The following CEP350 variants were observed in gnomAD, a reference collection of about 807,000 sequenced individuals.
CEP350 encodes centrosomal protein 350.
CEP350 carries 126 observed loss-of-function variants against 331.8 expected under a neutral mutation model. The observed-to-expected ratio is 0.38, with a 90% CI of 0.33 to 0.44. CEP350 has a LOEUF of 0.44. Ranked by LOEUF, CEP350 falls within the 20% of genes least tolerant of loss-of-function variation. CEP350 has a pLI of 1.00. For missense variants in CEP350, 3,406 were observed against 3,634.6 expected (o/e 0.94, Z 1.62); for synonymous variants, 1,200 against 1,259.5 (o/e 0.95, Z 1.00).
In CEP350 at chr1:180,020,284, G is replaced by A. The variant is rs946775934; in HGVS notation, c.2510G>A (p.Ser837Asn). ...AAAGCAACAGCTGCTTCTTTGTCCA[G>A]CAGAATTGAAAGTGAAGCCAAGAAA... ...ALKATAASLS[S>N]RIESEAKKLA... is the part of the protein sequence containing the mutation. The change falls in exon 12 of 38, where the codon AGC becomes AAC. Residue 837 changes from serine (S) to asparagine (N), a missense_variant. Coordinates refer to ENST00000367607, the MANE Select transcript of CEP350 (RefSeq NM_014810.5). The A allele has an allele frequency of 5.6e-6, 9 of 1,613,878 alleles. No homozygotes were observed. In the African/African-American group the frequency reaches 1.1e-4, roughly 19 times the overall value.
Position 180,020,491 on chromosome 1 carries a change from TTGA to T in CEP350, c.2725_2727del (p.Asp909del). On this transcript the variant is annotated inframe_deletion, in exon 12 of 38. Transcript: ENST00000367607. ...GGAAGCTGTGTATCTCATGCAACTT[TTGA>T]TGATGATCTTCCTGGTGTAGGCAAT... is the stretch of plus-strand genomic sequence containing the variant. 6.2e-7 allele frequency: 1 copy of T among 1,614,008 alleles called. No homozygotes were observed. The highest frequency in any genetic ancestry group is 1.1e-5 in the South Asian group (1 of 91,084).
chr1:180,024,225 A>AT lies in CEP350; in HGVS notation c.3387-189dup, dbSNP rs1415687268. The stretch of plus-strand genomic sequence containing the variant: ...TTTTTATTGGTTTCACTTACCTTTG[A>AT]TTTTTCTTAGTAATAAATTGAACCA... On this transcript the variant is annotated intron_variant, in intron 13 of 37. Transcript: ENST00000367607. 3.9e-5 allele frequency among the ~76,000 whole-genome samples: 6 copies of AT among 151,966 alleles called. No individual in the cohort carries two copies. The East Asian group carries it at 1.2e-3, about 29-fold the overall frequency.
intron 4 of CEP350, 30 bp downstream of exon 4, chr1:179,990,651 C>T: frequency 1.6e-5 from 18 of 1,138,934 alleles, no homozygotes; most frequent in Non-Finnish European, 2.1e-5. Flanking sequence ...CAAATATATA[C>T]ATATATTAAA....
intron 1 of CEP350, among the ~76,000 whole-genome samples, chr1:179,962,230 A>G (rs1650685173): frequency 6.6e-6 from 1 of 152,080 alleles, no homozygotes; most frequent in Non-Finnish European, 1.5e-5. Context: ...CTTACAAGTG[A>G]GAGAAGGTGT....
chr1:179,981,111 C>T (rs1652243852), intron 1 of CEP350, among the ~76,000 whole-genome samples: 1 of 152,036 alleles, frequency 6.6e-6, no homozygotes, highest in Non-Finnish European at 1.5e-5. Context: ...ACAGCATAAC[C>T]ATGAACTTTT....
At chr1:179,971,035 T>G (rs1349242545) in intron 1 of CEP350, among the ~76,000 whole-genome samples, 1 of 151,258 alleles carries the variant, frequency 6.6e-6, no homozygotes, top group East Asian at 1.9e-4. Flanking sequence ...GTTGTTTGTT[T>G]TTTTTTTTTT....
intron 37 of CEP350, among the ~76,000 whole-genome samples, chr1:180,109,944 C>A (rs1488705794): frequency 6.6e-6 from 1 of 152,110 alleles, no homozygotes; most frequent in Non-Finnish European, 1.5e-5. Flanking sequence ...CAATCTAATG[C>A]GTTTCTTTTA....
chr1:180,092,952 G>A lies in CEP350; in HGVS notation c.6847G>A (p.Val2283Ile), dbSNP rs1316988541. The part of the protein sequence containing the change: ...DAFSKEGKSD[V>I]LLKLVLEQGD... Reference sequence around the variant, plus strand: ...CTTTTCTAAAGAAGGTAAATCTGATGTCTTACTGAAATTAGTCCTAGAACA... The same window carrying A: ...CTTTTCTAAAGAAGGTAAATCTGATATCTTACTGAAATTAGTCCTAGAACA... The change falls in exon 34 of 38, where the codon GTC becomes ATC. Residue 2283 changes from valine (V) to isoleucine (I), a missense_variant. Around this residue, in one of 5 missense-constraint regions of CEP350, gnomAD observed 1,415 missense variants for 1,512.3 expected, o/e 0.94. Coordinates refer to ENST00000367607, the MANE Select transcript of CEP350 (RefSeq NM_014810.5). 6 of 1,595,358 alleles carry A rather than the reference G, an allele frequency of 3.8e-6. No individual in the cohort carries two copies. In the Admixed American group the frequency reaches 8.7e-5, roughly 23 times the overall value.
chr1:179,994,456 CTT>C (rs532002663), intron 5 of CEP350, among the ~76,000 whole-genome samples: 25 of 135,944 alleles, frequency 1.8e-4, no homozygotes, highest in Non-Finnish European at 1.9e-4. Context: ...TTCTTTCTTT[CTT>C]TTTTTTTTTT....
At chr1:179,980,266 T>G (rs145405928) in intron 1 of CEP350, among the ~76,000 whole-genome samples, 10 of 152,052 alleles carry the variant, frequency 6.6e-5, no homozygotes. Context: ...TTAAACTTAT[T>G]CCTAGGCAGA....
Position 179,996,687 on chromosome 1 carries a change from G to A in CEP350, c.530G>A (p.Arg177Gln), listed in dbSNP as rs965976756. 4.3e-6 allele frequency: 7 copies of A among 1,613,650 alleles called. No individual in the cohort carries two copies. Among genetic ancestry groups the A allele is most frequent in the South Asian group, 1.1e-5 (1 of 90,984 alleles). ...MIGSREERNI[R>Q]SCDFESSQSS... ...GGCAGTCGAGAAGAACGGAATATAC[G>A]GAGCTGTGATTTTGAGAGCTCCCAA... Residue 177 changes from arginine to glutamine, a missense_variant, in exon 6 of 38, where the codon CGG becomes CAG. This residue lies in a region of CEP350 where 1,857 missense variants were observed against 1,909.2 expected (regional missense o/e 0.97). Coordinates refer to ENST00000367607, the MANE Select transcript of CEP350 (RefSeq NM_014810.5).
At chr1:180,010,983 C>G (rs1654615212) in intron 8 of CEP350, among the ~76,000 whole-genome samples, 1 of 151,532 alleles carries the variant, frequency 6.6e-6, no homozygotes, top group South Asian at 2.1e-4. Flanking sequence ...ATTTTGTAAA[C>G]AGTCTTTTTT....
chr1:180,008,450 G>A (rs1654404033), intron 8 of CEP350, among the ~76,000 whole-genome samples: 1 of 152,006 alleles, frequency 6.6e-6, no homozygotes, highest in African/African-American at 2.4e-5. Flanking sequence ...TCAACTGTTA[G>A]CTATGACTCC....
chr1:180,075,343 T>G, intron 28 of CEP350, 122 bp downstream of exon 28: 1 of 1,015,242 alleles, frequency 9.8e-7, no homozygotes. Flanking sequence ...TCCTAACACT[T>G]TGGAAGGCCA....
intron 1 of CEP350, 89 bp from the exon 2 acceptor site, chr1:179,986,077 AAGT>A (rs2148665200): frequency 3.1e-6 from 3 of 975,030 alleles, no homozygotes; most frequent in East Asian, 2.7e-5. Flanking sequence ...AATGGGTGTG[AAGT>A]AGTCATAATA....
chr1:180,081,035 T>C (rs1002836871), intron 30 of CEP350, among the ~76,000 whole-genome samples: 11 of 116,764 alleles, frequency 9.4e-5, no homozygotes, highest in African/African-American at 3.1e-4. Flanking sequence ...AATTTTTGTA[T>C]TTTTTTTTTT....
At chr1:180,076,146 A>G (rs1013977846) in intron 28 of CEP350, among the ~76,000 whole-genome samples, 10 of 152,066 alleles carry the variant, frequency 6.6e-5, no homozygotes, top group Non-Finnish European at 8.8e-5. Flanking sequence ...GACCTCATCC[A>G]TCTTTACCAG....
intron 19 of CEP350, 135 bp downstream of exon 19, chr1:180,041,937 C>G: frequency 1.3e-6 from 1 of 745,382 alleles, no homozygotes; most frequent in Non-Finnish European, 2.1e-6. Context: ...GGGCCATACC[C>G]TATTGAAATA....
intron 27 of CEP350, among the ~76,000 whole-genome samples, chr1:180,068,053 A>T (rs563619803): frequency 6.6e-6 from 1 of 152,344 alleles, no homozygotes; most frequent in South Asian, 2.1e-4. Flanking sequence ...TTCCTATTTT[A>T]TTGTTATAAA....
Sources: gnomAD v4.1 joint callset for allele counts (sites outside exome capture counted in the v4.1 genomes callset) on GRCh38, gnomAD v4.1.1 for gene constraint, gnomAD v4.1.1 regional missense constraint, MANE v1.5 for transcripts, NCBI Gene and HGNC (gene_info 2026-07-23, HGNC 2026-07-21) for gene names.